The following ATP4B variants were observed in gnomAD, a reference collection of about 807,000 sequenced individuals.
ATP4B encodes the protein potassium-transporting ATPase subunit beta.
Under a neutral mutation model 35.3 loss-of-function variants are expected in ATP4B, and 27 were observed. The ratio of observed to expected loss-of-function variants is 0.76; its 90% confidence interval spans 0.56 to 1.05. The LOEUF is 1.05. Ranked by LOEUF, ATP4B falls within the 50% of genes least tolerant of loss-of-function variation. ATP4B has a pLI of 0.00. For synonymous variants in ATP4B, 162 were observed against 156.0 expected (o/e 1.04, Z -0.29); for missense variants, 375 against 384.8 (o/e 0.97, Z 0.21).
Position 113,650,652 on chromosome 13 carries a change from G to A in ATP4B, c.613-145C>T, listed in dbSNP as rs559637807. 8.1e-5 allele frequency: 49 copies of A among 601,604 alleles called. No individual in the cohort carries two copies. The East Asian group carries it at 1.4e-3, about 17-fold the overall frequency. The allele number at this position is 601,604 out of a possible 1,614,324, so 37.3% of individuals were successfully genotyped here. On this transcript the variant is annotated intron_variant, in intron 5 of 6. Coordinates refer to ENST00000335288, the MANE Select transcript of ATP4B (RefSeq NM_000705.4). This position sits in a 1 kb window ranked among gnomAD's most constrained non-coding sequence, Gnocchi z 5.0. ...ATTGCATACTTAGCATAAATCAGAT[G>A]CAATCTTTCTAATCAGTGCTGAGAT...
Position 113,650,387 on chromosome 13 carries a change from G to T in ATP4B, c.714+19C>A, listed in dbSNP as rs753672248. 1 of 1,607,650 alleles carries T rather than the reference G, an allele frequency of 6.2e-7. No homozygotes were observed. The highest frequency in any genetic ancestry group is 8.5e-7 in the Non-Finnish European group (1 of 1,174,326). ...ACTCAGCAGCTGTGGTGAGGGAAGCGTGGAAGGAAGGAACCTACCTGGGCT... is the reference window on the plus strand; with the variant it reads ...ACTCAGCAGCTGTGGTGAGGGAAGCTTGGAAGGAAGGAACCTACCTGGGCT... On this transcript the variant is annotated intron_variant, in intron 6 of 6. Coordinates refer to ENST00000335288, the MANE Select transcript of ATP4B (RefSeq NM_000705.4). The surrounding 1 kb of genome is among the most constrained non-coding windows in gnomAD (Gnocchi z 5.0).
In ATP4B at chr13:113,650,441, G is replaced by T; in HGVS notation, c.679C>A (p.Leu227Met). The change falls in exon 6 of 7, where the codon CTG becomes ATG. Residue 227 changes from leucine to methionine, a missense_variant. Physicochemically the swap from Leu to Met is conservative, Grantham distance 15 (BLOSUM62 2). Coordinates refer to ENST00000335288, the MANE Select transcript of ATP4B (RefSeq NM_000705.4). This position sits in a 1 kb window ranked among gnomAD's most constrained non-coding sequence, Gnocchi z 5.0. ...KYYPPNGTFS[L>M]HYFPYYGKKA... ...TTCCCGTAATAAGGGAAGTAGTGCA[G>T]ACTGAAGGTGCCGTTGGGAGGGTAG... The T allele has an allele frequency of 6.2e-7, 1 of 1,614,080 alleles. No homozygotes were observed. Among genetic ancestry groups the T allele is most frequent in the South Asian group, 1.1e-5 (1 of 91,066 alleles).
Position 113,649,095 on chromosome 13 carries a change from AATTAG to A in ATP4B, c.*274_*278del. 7.0e-6 allele frequency: 2 copies of A among 286,228 alleles called. No individual in the cohort carries two copies. The highest frequency in any genetic ancestry group is 9.5e-5 in the Admixed American group (2 of 20,952). 17.7% of individuals were successfully genotyped at this position (286,228 alleles called of 1,614,324 possible). The stretch of plus-strand genomic sequence containing the variant: ...GACGAATCGTTTTTATGACCTGGTT[AATTAG>A]AGAGTTGCTGCCTTGCGTTCCCATG... On this transcript the variant is annotated 3_prime_UTR_variant, in exon 7 of 7. Coordinates refer to ENST00000335288, the MANE Select transcript of ATP4B (RefSeq NM_000705.4). This position sits in a 1 kb window ranked among gnomAD's most constrained non-coding sequence, Gnocchi z 4.7.
At position 113,653,386 on chromosome 13, in the gene ATP4B, A is replaced by G. The variant is rs1332818323; in HGVS notation, c.290T>C (p.Val97Ala). 6.2e-7 allele frequency: 1 copy of G among 1,614,200 alleles called. No individual in the cohort carries two copies. Among genetic ancestry groups the G allele is most frequent in the Non-Finnish European group, 8.5e-7 (1 of 1,180,030 alleles). Reference protein sequence around the residue: ...DVYGEKGLEIVYNVSDNRTWA... With the variant: ...DVYGEKGLEIAYNVSDNRTWA... ...GGTTCTGTTATCAGAGACGTTGTAGACAATTTCCAGGCCTTTCTCCCCGTA... is the reference window on the plus strand; with the variant it reads ...GGTTCTGTTATCAGAGACGTTGTAGGCAATTTCCAGGCCTTTCTCCCCGTA... Residue 97 changes from valine (V) to alanine (A), a missense_variant, in exon 3 of 7, where the codon GTC becomes GCC. Val to Ala is a moderately conservative substitution (Grantham distance 64, BLOSUM62 0). Coordinates refer to ENST00000335288, the MANE Select transcript of ATP4B (RefSeq NM_000705.4).
intron 2 of ATP4B, 102 bp downstream of exon 2, chr13:113,654,712 T>A: frequency 1.4e-6 from 2 of 1,479,428 alleles, no homozygotes; most frequent in Non-Finnish European, 1.8e-6. Context: ...TTCCCTGGGC[T>A]TCATTTCTGG....
At chr13:113,654,422 CTG>C (rs1189317591) in intron 2 of ATP4B, among the ~76,000 whole-genome samples, 2 of 152,208 alleles carry the variant, frequency 1.3e-5, no homozygotes, top group Non-Finnish European at 2.9e-5. Flanking sequence ...TCCTTGGAAA[CTG>C]TTTCCTGTGC....
At position 113,650,481 on chromosome 13, in the gene ATP4B, C is replaced by T. The variant is rs750469325; in HGVS notation, c.639G>A (p.Pro213=). The change falls in exon 6 of 7, where the codon CCG becomes CCA. Residue 213 remains proline, a synonymous_variant. Transcript: ENST00000335288. The surrounding 1 kb of genome is among the most constrained non-coding windows in gnomAD (Gnocchi z 5.0). ...TGGGAGGGTAGTACTTGACCTGCAG[C>T]GGCTGGCCGAGCTCGCGGGGCTGGT... is the stretch of plus-strand genomic sequence containing the variant. ...FLDQPRELGQ[P]LQVKYYPPNG... 1.5e-5 allele frequency: 24 copies of T among 1,613,504 alleles called. No individual in the cohort carries two copies. The highest frequency in any genetic ancestry group is 5.0e-5 in the Admixed American group (3 of 59,940).
Position 113,650,361 on chromosome 13 carries a change from G to A in ATP4B, c.714+45C>T. ...GCTTTCCTTTCGCTAAGTGTGAGAGGACTCAGCAGCTGTGGTGAGGGAAGC... is the reference window on the plus strand; with the variant it reads ...GCTTTCCTTTCGCTAAGTGTGAGAGAACTCAGCAGCTGTGGTGAGGGAAGC... On this transcript the variant is annotated intron_variant, in intron 6 of 6. Coordinates refer to ENST00000335288, the MANE Select transcript of ATP4B (RefSeq NM_000705.4). The surrounding 1 kb of genome is among the most constrained non-coding windows in gnomAD (Gnocchi z 5.0). 6.4e-7 allele frequency: 1 copy of A among 1,550,720 alleles called. No homozygotes were observed. Among genetic ancestry groups the A allele is most frequent in the African/African-American group, 1.4e-5 (1 of 73,636 alleles).
intron 3 of ATP4B, 21 bp from the exon 4 acceptor site, chr13:113,653,093 C>T: frequency 1.9e-6 from 3 of 1,598,736 alleles, no homozygotes; most frequent in Non-Finnish European, 2.6e-6. Context: ...ACGCACCTGC[C>T]AGCCCTGTCC....
rs553007048 is a variant in ATP4B, at chr13:113,655,477, C to T, written c.113-535G>A. On this transcript the variant is annotated intron_variant, in intron 1 of 6. Transcript: ENST00000335288. Reference sequence around the variant, plus strand: ...TGGCTCTTCTCAGAAGCAAGGGTGTCCATAGGCACCGGCAACTCAGGGTGC... The same window carrying T: ...TGGCTCTTCTCAGAAGCAAGGGTGTTCATAGGCACCGGCAACTCAGGGTGC... 1.3e-5 allele frequency among the ~76,000 whole-genome samples: 2 copies of T among 152,272 alleles called. 1 individual carries two copies. The highest frequency in any genetic ancestry group is 4.1e-4 in the South Asian group (2 of 4,822).
At chr13:113,654,447 A>G (rs191755231) in intron 2 of ATP4B, among the ~76,000 whole-genome samples, 9 of 152,344 alleles carry the variant, frequency 5.9e-5, no homozygotes, top group African/African-American at 2.2e-4. Flanking sequence ...CCTTGCAGAA[A>G]CATTCCGTGT....
chr13:113,655,306 T>C (rs771182453), intron 1 of ATP4B, among the ~76,000 whole-genome samples: 1 of 152,192 alleles, frequency 6.6e-6, no homozygotes, highest in Non-Finnish European at 1.5e-5. Flanking sequence ...GGGGGAGTTA[T>C]GGTTCCCCCA....
At chr13:113,653,144 T>G in intron 3 of ATP4B, 72 bp from the exon 4 acceptor site, 2 of 1,537,614 alleles carry the variant, frequency 1.3e-6, no homozygotes, top group Non-Finnish European at 1.8e-6. Context: ...GGGAAGGCCT[T>G]GCAAGCCCTG....
intron 1 of ATP4B, among the ~76,000 whole-genome samples, 198 bp downstream of exon 1, chr13:113,657,835 C>G (rs1024165214): frequency 6.6e-6 from 1 of 152,252 alleles, no homozygotes; most frequent in African/African-American, 2.4e-5. Context: ...GTCAACTCAG[C>G]CTTCAGGATG....
chr13:113,654,526 TA>T (rs1376088074), intron 2 of ATP4B, among the ~76,000 whole-genome samples: 4 of 152,280 alleles, frequency 2.6e-5, no homozygotes, highest in African/African-American at 9.6e-5. Context: ...TTCTGTTTCA[TA>T]ATTAAAACTA....
rs775684906 is a variant in ATP4B, at chr13:113,651,676, A to G, written c.607T>C (p.Phe203Leu). ...CGCCGCGCGGCCGTACTCACCAGGA[A>G]GGCGCAGTCCACTCTGGGGGCCGAG... The part of the protein sequence containing the change: ...NGSAPRVDCA[F>L]LDQPRELGQP... Residue 203 changes from phenylalanine to leucine, a missense_variant, in exon 5 of 7, where the codon TTC (phenylalanine) becomes CTC (leucine). By Grantham distance (22) the Phe-to-Leu change is conservative (BLOSUM62 0). Coordinates refer to ENST00000335288, the MANE Select transcript of ATP4B (RefSeq NM_000705.4). 25 of 1,612,812 alleles carry G rather than the reference A, an allele frequency of 1.6e-5. No homozygotes were observed. The highest frequency in any genetic ancestry group is 2.0e-5 in the Non-Finnish European group (24 of 1,179,462).
chr13:113,653,641 C>A (rs1211650953), intron 2 of ATP4B, among the ~76,000 whole-genome samples: 2 of 152,224 alleles, frequency 1.3e-5, no homozygotes, highest in African/African-American at 4.8e-5. Context: ...TGCCCCGGCC[C>A]TGGAACCTGG....
chr13:113,654,893 G>A lies in ATP4B; in HGVS notation c.162C>T (p.Leu54=). The change falls in exon 2 of 7, where the codon CTC becomes CTT. Residue 54 remains leucine, a synonymous_variant. Coordinates refer to ENST00000335288, the MANE Select transcript of ATP4B (RefSeq NM_000705.4). ...YVAFYVVMTG[L]FALCLYVLMQ... is the part of the protein sequence containing the mutation. ...TCAGCACATAGAGGCACAGGGCGAAGAGCCCAGTCATCACCACGTAGAAGG... is the reference window on the plus strand; with the variant it reads ...TCAGCACATAGAGGCACAGGGCGAAAAGCCCAGTCATCACCACGTAGAAGG... 1 of 1,614,242 alleles carries A rather than the reference G, an allele frequency of 6.2e-7. No homozygotes were observed. The highest frequency in any genetic ancestry group is 8.5e-7 in the Non-Finnish European group (1 of 1,180,038).
rs111672991 is a variant in ATP4B at position 113,655,565 on chromosome 13, C to T, written c.113-623G>A. Among the ~76,000 whole-genome samples the T allele has an allele frequency of 6.8e-3, 1,036 of 152,328 alleles. 14 individuals carry two copies. Among genetic ancestry groups the T allele is most frequent in the African/African-American group, 0.023 (936 of 41,568 alleles). On this transcript the variant is annotated intron_variant, in intron 1 of 6. Coordinates refer to ENST00000335288, the MANE Select transcript of ATP4B (RefSeq NM_000705.4). Reference sequence around the variant, plus strand: ...CTTCCCCTGCAGCGTCAGAACCTAACGGAAGCCACCGTCCCCGTGGCCATG... The same window carrying T: ...CTTCCCCTGCAGCGTCAGAACCTAATGGAAGCCACCGTCCCCGTGGCCATG...
Sources: allele counts gnomAD v4.1 joint callset (sites outside exome capture counted in the v4.1 genomes callset), GRCh38; gene constraint gnomAD v4.1.1; non-coding constraint Gnocchi (gnomAD v3.1); transcripts MANE v1.5; gene names NCBI Gene and HGNC (gene_info 2026-07-23, HGNC 2026-07-21).